PHACTR2: variants seen among roughly 807,000 people sequenced by gnomAD.
The protein encoded by PHACTR2 is chromosome 6 open reading frame 56.
In PHACTR2, 30 loss-of-function variants were observed where a neutral mutation model predicts 76.0. The observed-to-expected ratio is 0.39, with a 90% confidence interval of 0.30 to 0.54. The LOEUF is 0.54. PHACTR2 is among the 20% of genes least tolerant of loss of function. The pLI, the probability that PHACTR2 is intolerant of heterozygous loss-of-function variation, is 0.61. For synonymous variants in PHACTR2, 292 were observed against 292.5 expected, an observed-to-expected ratio of 1.00 and a Z score of 0.02; for missense variants, 696 against 781.1, an observed-to-expected ratio of 0.89 and a Z score of 1.30.
In PHACTR2 at chr6:143,777,509, T is replaced by C. The variant is rs908123528; in HGVS notation, c.1645+126T>C. 2.2e-6 allele frequency: 1 copy of C among 444,862 alleles called. No homozygotes were observed. Among genetic ancestry groups the C allele is most frequent in the Non-Finnish European group, 4.0e-6 (1 of 251,732 alleles). 27.6% of individuals were successfully genotyped at this position (444,862 alleles called of 1,614,324 possible). On this transcript the variant is annotated intron_variant, in intron 9 of 12. Coordinates refer to ENST00000440869, the MANE Select transcript of PHACTR2 (RefSeq NM_001100164.2). The surrounding 1 kb of genome is among the most constrained non-coding windows in gnomAD (Gnocchi z 4.6). ...ACTCAAGATGGACTGAAATAGTCCA[T>C]TTATGTCACATTTATATGTAATTGT...
At chr6:143,812,878 A>C (rs1776210452) in intron 12 of PHACTR2, among the ~76,000 whole-genome samples, 2 of 152,228 alleles carry the variant, frequency 1.3e-5, no homozygotes, top group Non-Finnish European at 2.9e-5. Flanking sequence ...TAGTAAATGG[A>C]ATTTCTACAA....
chr6:143,712,129 C>G lies in PHACTR2; in HGVS notation c.160C>G (p.Pro54Ala), dbSNP rs1361466898. The change falls in exon 2 of 13, where the codon CCT (proline) becomes GCT (alanine). Residue 54 changes from proline (P) to alanine (A), a missense_variant. Pro to Ala is a conservative substitution (Grantham distance 27, BLOSUM62 -1). Around this residue, in one of 2 missense-constraint regions of PHACTR2, gnomAD observed 460 missense variants for 450.9 expected, o/e 1.02. Coordinates refer to ENST00000440869, the MANE Select transcript of PHACTR2 (RefSeq NM_001100164.2). ...KLSTIGKIFK[P>A]WKWRKKKTSD... ...ATCCACCATTGGTAAAATCTTTAAG[C>G]CTTGGAAATGGAGGAAAAAGAAGAC... is the stretch of plus-strand genomic sequence containing the variant. The G allele has an allele frequency of 6.3e-7, 1 of 1,576,138 alleles. No individual in the cohort carries two copies. The highest frequency in any genetic ancestry group is 8.6e-7 in the Non-Finnish European group (1 of 1,164,928).
chr6:143,674,663 A>G (rs1777210674), upstream of PHACTR2, among the ~76,000 whole-genome samples: 2 of 152,144 alleles, frequency 1.3e-5, no homozygotes, highest in Non-Finnish European at 2.9e-5. The surrounding 1 kb of genome is among the most constrained non-coding windows in gnomAD (Gnocchi z 4.9). Flanking sequence ...CTGGTGTCTC[A>G]AAATGAATCC....
intron 3 of PHACTR2, among the ~76,000 whole-genome samples, chr6:143,752,056 T>C (rs887117563): frequency 6.6e-5 from 10 of 152,124 alleles, no homozygotes; most frequent in African/African-American, 1.9e-4. Context: ...TGACTATTTC[T>C]CTCTATCATA....
At chr6:143,693,889 C>T (rs915060154) in intron 1 of PHACTR2, among the ~76,000 whole-genome samples, 5 of 152,108 alleles carry the variant, frequency 3.3e-5, no homozygotes, top group Admixed American at 2.0e-4. Context: ...GGCAATGTGG[C>T]GAAACCCGTC....
At chr6:143,768,215 A>T (rs1223085359) in intron 6 of PHACTR2, among the ~76,000 whole-genome samples, 1 of 152,192 alleles carries the variant, frequency 6.6e-6, no homozygotes, top group African/African-American at 2.4e-5. Context: ...GCACACAGCA[A>T]ATGTCTTCAT....
In PHACTR2 at chr6:143,580,664, C is replaced by T. The variant is rs1439968245; in HGVS notation, c.217+43457C>T. Among the ~76,000 whole-genome samples, 1 of 152,116 alleles carries T rather than the reference C, an allele frequency of 6.6e-6. No homozygotes were observed. Among genetic ancestry groups the T allele is most frequent in the Middle Eastern group, 3.2e-3 (1 of 316 alleles). ...CTCCAGCCTGGGTGACAGAGCAAGA[C>T]TCCGTCTCAAAAAATAAAATAAAAT... On this transcript the variant is annotated intron_variant, in intron 1 of 11. Transcript: ENST00000367584. This position sits in a 1 kb window ranked among gnomAD's most constrained non-coding sequence, Gnocchi z 4.2.
chr6:143,666,311 T>C (rs952253712), intron 1 of PHACTR2, among the ~76,000 whole-genome samples: 1 of 152,238 alleles, frequency 6.6e-6, no homozygotes, highest in African/African-American at 2.4e-5. Flanking sequence ...AAGTCTTTGC[T>C]ATTGTGAAGA....
upstream of PHACTR2, among the ~76,000 whole-genome samples, chr6:143,604,397 G>A (rs897718439): frequency 1.3e-5 from 2 of 152,122 alleles, no homozygotes; most frequent in African/African-American, 2.4e-5. Context: ...GTTCTTTTTA[G>A]CCTGTGATTT....
intron 12 of PHACTR2, among the ~76,000 whole-genome samples, chr6:143,808,386 CT>C (rs202076908): frequency 6.6e-6 from 1 of 151,988 alleles, no homozygotes; most frequent in Non-Finnish European, 1.5e-5. Context: ...ACCTCAGCCT[CT>C]CAGAATGCTG....
chr6:143,590,188 T>C (rs562644321), intron 1 of PHACTR2, among the ~76,000 whole-genome samples: 64 of 152,282 alleles, frequency 4.2e-4, no homozygotes, highest in Non-Finnish European at 7.8e-4. Context: ...AAATCTGTCT[T>C]TTTATAAAAT....
intron 9 of PHACTR2, among the ~76,000 whole-genome samples, chr6:143,779,633 C>A (rs560429628): frequency 1.4e-4 from 22 of 152,184 alleles, no homozygotes; most frequent in African/African-American, 5.3e-4. Context: ...CGGGTGTAAG[C>A]CACCGTGCCC....
Position 143,558,096 on chromosome 6 carries a change from TC to T in PHACTR2, c.217+20892del, listed in dbSNP as rs1775205905. On this transcript the variant is annotated intron_variant, in intron 1 of 11. Coordinates refer to the PHACTR2 transcript ENST00000367584. The surrounding 1 kb of genome is among the most constrained non-coding windows in gnomAD (Gnocchi z 4.7). ...GGAGCTTCTTCCTTGTCACCTAAGG[TC>T]CCTTATGTCTTCATTTTTGCCCTGG... The T allele has an allele frequency of 6.6e-6, 1 of 151,986 alleles. No individual in the cohort carries two copies. The highest frequency in any genetic ancestry group is 2.4e-5 in the African/African-American group (1 of 41,378). 9.4% of individuals were successfully genotyped at this position (151,986 alleles called of 1,614,324 possible). A position where few individuals can be genotyped will look rare whatever the true frequency, so the allele number is the denominator to read the frequency against.
At chr6:143,744,708 C>T (rs762947477) in intron 2 of PHACTR2, among the ~76,000 whole-genome samples, 15 of 152,050 alleles carry the variant, frequency 9.9e-5, no homozygotes, top group East Asian at 1.9e-4. Flanking sequence ...ACGTGGGAGG[C>T]GGGACAGCCT....
rs1183047537 is a variant in PHACTR2, at chr6:143,700,015, C to T, written c.47-12001C>T. 6.6e-6 allele frequency among the ~76,000 whole-genome samples: 1 copy of T among 152,122 alleles called. No individual in the cohort carries two copies. On this transcript the variant is annotated intron_variant, in intron 1 of 12. Coordinates refer to ENST00000440869, the MANE Select transcript of PHACTR2 (RefSeq NM_001100164.2). This position sits in a 1 kb window ranked among gnomAD's most constrained non-coding sequence, Gnocchi z 4.1. ...GATTGTCCGGGATACTACATGTGGC[C>T]ACGGTCTCTCCACAGATACCGGCCT...
chr6:143,575,778 G>GTTTTTTTTTTTTTTTTTTT (rs1775499344), intron 1 of PHACTR2, among the ~76,000 whole-genome samples: 2 of 151,902 alleles, frequency 1.3e-5, no homozygotes, highest in African/African-American at 4.8e-5. Flanking sequence ...TTATTGAACC[G>GTTTTTTTTTTTTTTTTTTT]TTTTGTTAAG....
Position 143,776,773 on chromosome 6 carries a change from C to A in PHACTR2, c.1590-555C>A, listed in dbSNP as rs1775288617. ...TTAATATTACTGTCACATGACACTC[C>A]CCAGGTAGGTGAGCGATCCAGTATG... is the stretch of plus-strand genomic sequence containing the variant. On this transcript the variant is annotated intron_variant, in intron 8 of 12. Transcript: ENST00000440869. This position sits in a 1 kb window ranked among gnomAD's most constrained non-coding sequence, Gnocchi z 5.3. Among the ~76,000 whole-genome samples the A allele has an allele frequency of 6.6e-6, 1 of 152,172 alleles. No homozygotes were observed. Among genetic ancestry groups the A allele is most frequent in the African/African-American group, 2.4e-5 (1 of 41,428 alleles).
intron 1 of PHACTR2, among the ~76,000 whole-genome samples, chr6:143,614,962 T>A (rs1177580465): frequency 6.6e-6 from 1 of 152,324 alleles, no homozygotes; most frequent in Admixed American, 6.5e-5. Context: ...CAAAGTTCTA[T>A]TTTTGTAAAT....
chr6:143,572,624 C>A (rs1414146500), intron 1 of PHACTR2, among the ~76,000 whole-genome samples: 1 of 152,164 alleles, frequency 6.6e-6, no homozygotes, highest in Admixed American at 6.5e-5. Context: ...ACGATCTAGG[C>A]TCATTGCAAC....
Sources: gnomAD v4.1 joint callset for allele counts (sites outside exome capture counted in the v4.1 genomes callset) on GRCh38, gnomAD v4.1.1 for gene constraint, gnomAD v4.1.1 regional missense constraint, Gnocchi (gnomAD v3.1) non-coding constraint, MANE v1.5 for transcripts, NCBI Gene and HGNC (gene_info 2026-07-23, HGNC 2026-07-21) for gene names.